The following CNTNAP2 variants were observed in gnomAD, a reference collection of about 807,000 sequenced individuals.
The protein encoded by CNTNAP2 is contactin associated protein 2, also known as contactin-associated protein-like 2.
Under a neutral mutation model 155.2 loss-of-function variants are expected in CNTNAP2, and 98 were observed. That is an observed-to-expected ratio of 0.63 (90% CI 0.54 to 0.75). The LOEUF is 0.75. Among genes scored for constraint, CNTNAP2 ranks in the 30% least tolerant of loss-of-function variants. The probability of loss-of-function intolerance (pLI) is 0.00; values close to 1 mark genes in which losing one functional copy is unlikely to be tolerated. For missense variants in CNTNAP2, 1,727 were observed against 1,688.1 expected, an observed-to-expected ratio of 1.02 and a Z score of -0.40; for synonymous variants, 651 against 631.2, an observed-to-expected ratio of 1.03 and a Z score of -0.47.
At chr7:146,977,629 A>T (rs1469105226) in intron 3 of CNTNAP2, among the ~76,000 whole-genome samples, 1 of 152,228 alleles carries the variant, frequency 6.6e-6, no homozygotes, top group Non-Finnish European at 1.5e-5. Flanking sequence ...TCACTTTATC[A>T]AATGTTTTAA....
chr7:147,793,276 A>T lies in CNTNAP2; in HGVS notation c.2099-110289A>T, dbSNP rs550098386. Among the ~76,000 whole-genome samples, 64 of 152,186 alleles carry T rather than the reference A, an allele frequency of 4.2e-4. 2 individuals are homozygous for T. The South Asian group carries it at 0.012, about 29-fold the overall frequency. ...CCATTTCTAATTCAAAGACATGAAGACTTACTACACCTATGTTTTCATCTA... is the reference window on the plus strand; with the variant it reads ...CCATTTCTAATTCAAAGACATGAAGTCTTACTACACCTATGTTTTCATCTA... On this transcript the variant is annotated intron_variant, in intron 13 of 23. Coordinates refer to ENST00000361727, the MANE Select transcript of CNTNAP2 (RefSeq NM_014141.6).
intron 1 of CNTNAP2, among the ~76,000 whole-genome samples, chr7:146,638,095 G>T (rs1401272539): frequency 6.6e-6 from 1 of 152,164 alleles, no homozygotes; most frequent in Non-Finnish European, 1.5e-5. Context: ...AATCAAACCT[G>T]TTGGTTGCTT....
intron 3 of CNTNAP2, among the ~76,000 whole-genome samples, chr7:146,956,685 TATA>T (rs1452981852): frequency 1.3e-5 from 2 of 152,200 alleles, no homozygotes; most frequent in Non-Finnish European, 2.9e-5. Flanking sequence ...GGCTTCTGTG[TATA>T]ATATCCCCTT....
intron 1 of CNTNAP2, among the ~76,000 whole-genome samples, chr7:146,634,592 G>C (rs1481415604): frequency 6.6e-6 from 1 of 152,076 alleles, no homozygotes; most frequent in Admixed American, 6.5e-5. Flanking sequence ...CATTTAATCT[G>C]ATTATTCATG....
At chr7:147,336,611 A>G (rs972039043) in intron 9 of CNTNAP2, among the ~76,000 whole-genome samples, 1 of 152,132 alleles carries the variant, frequency 6.6e-6, no homozygotes, top group Non-Finnish European at 1.5e-5. Context: ...TAGGATTGGT[A>G]AGAACATGAA....
chr7:147,333,913 G>A (rs778562225), intron 9 of CNTNAP2, among the ~76,000 whole-genome samples: 10 of 152,166 alleles, frequency 6.6e-5, no homozygotes, highest in Non-Finnish European at 1.3e-4. Context: ...CCAGGGATGT[G>A]TGGCTAAGAT....
intron 15 of CNTNAP2, among the ~76,000 whole-genome samples, chr7:148,017,446 T>TA (rs1397368990): frequency 1.3e-5 from 2 of 152,216 alleles, no homozygotes; most frequent in African/African-American, 4.8e-5. Context: ...AAAGGCTGCT[T>TA]ATGTTAAAAA....
chr7:146,634,927 A>G (rs1294278607), intron 1 of CNTNAP2, among the ~76,000 whole-genome samples: 1 of 152,228 alleles, frequency 6.6e-6, no homozygotes, highest in Non-Finnish European at 1.5e-5. Context: ...GTGTGTTTCT[A>G]ATATGCAAGC....
chr7:147,874,041 C>A (rs1370531060), intron 13 of CNTNAP2, among the ~76,000 whole-genome samples: 1 of 152,216 alleles, frequency 6.6e-6, no homozygotes, highest in African/African-American at 2.4e-5. Flanking sequence ...CAGCCTTGGG[C>A]AGCTCTGCCT....
chr7:146,497,098 G>C (rs535244026), intron 1 of CNTNAP2, among the ~76,000 whole-genome samples: 259 of 152,256 alleles, frequency 1.7e-3, no homozygotes, highest in Non-Finnish European at 2.8e-3. Context: ...GGCTCAGAGT[G>C]AACAACGTGT....
intron 8 of CNTNAP2, among the ~76,000 whole-genome samples, chr7:147,263,567 A>G (rs1250244523): frequency 6.6e-6 from 1 of 152,228 alleles, no homozygotes; most frequent in Non-Finnish European, 1.5e-5. Flanking sequence ...CTTTTGGACC[A>G]GATCAAAGAT....
At chr7:148,358,208 G>A (rs1290562819) in intron 21 of CNTNAP2, among the ~76,000 whole-genome samples, 1 of 152,170 alleles carries the variant, frequency 6.6e-6, no homozygotes, top group Non-Finnish European at 1.5e-5. Flanking sequence ...GTGGGTCAGA[G>A]CACAAAGAGA....
intron 3 of CNTNAP2, 121 bp from the exon 4 acceptor site, chr7:147,043,786 A>G: frequency 8.4e-7 from 1 of 1,195,408 alleles, no homozygotes; most frequent in Non-Finnish European, 1.2e-6. Flanking sequence ...CAAATTATTT[A>G]CGGTGTAAGA....
chr7:146,144,002 TCCTCC>T (rs1348532145), intron 1 of CNTNAP2, among the ~76,000 whole-genome samples: 1 of 152,134 alleles, frequency 6.6e-6, no homozygotes, highest in Admixed American at 6.6e-5. Flanking sequence ...CTTCAGGTGA[TCCTCC>T]CACCTCGGCC....
At chr7:148,239,036 GGGCAC>G (rs1796096466) in intron 20 of CNTNAP2, among the ~76,000 whole-genome samples, 1 of 88,036 alleles carries the variant, frequency 1.1e-5, no homozygotes, top group Non-Finnish European at 2.5e-5. Context: ...AGCTAGCCTA[GGGCAC>G]TGCTCTTGAA....
chr7:147,873,661 G>T (rs1393302060), intron 13 of CNTNAP2, among the ~76,000 whole-genome samples: 1 of 152,030 alleles, frequency 6.6e-6, no homozygotes, highest in African/African-American at 2.4e-5. Flanking sequence ...TCTGCCCCTG[G>T]CTCCTCCCAA....
intron 13 of CNTNAP2, among the ~76,000 whole-genome samples, chr7:147,694,720 CT>C (rs1317732864): frequency 6.6e-6 from 1 of 152,104 alleles, no homozygotes; most frequent in Admixed American, 6.6e-5. Context: ...CTTCTCTCTC[CT>C]TTTTTGTCAG....
chr7:148,243,367 G>A (rs571875373), intron 20 of CNTNAP2, among the ~76,000 whole-genome samples: 87 of 152,192 alleles, frequency 5.7e-4, no homozygotes, highest in Non-Finnish European at 1.1e-3. Flanking sequence ...CTAGCAGAGG[G>A]GACAGAGGCT....
intron 9 of CNTNAP2, among the ~76,000 whole-genome samples, chr7:147,342,590 A>G (rs1013349381): frequency 6.6e-6 from 1 of 152,196 alleles, no homozygotes; most frequent in African/African-American, 2.4e-5. Context: ...ACATACATTT[A>G]CTTCAGCACA....
Sources: allele counts gnomAD v4.1 joint callset (sites outside exome capture counted in the v4.1 genomes callset), GRCh38; gene constraint gnomAD v4.1.1; transcripts MANE v1.5; gene names NCBI Gene and HGNC (gene_info 2026-07-23, HGNC 2026-07-21).